Variants in NKAIN3 observed in about 807,000 individuals in gnomAD.
The protein encoded by NKAIN3 is sodium/potassium transporting ATPase interacting 3.
In NKAIN3, 25 loss-of-function variants were observed where a neutral mutation model predicts 30.2. The observed-to-expected ratio is 0.83, with a 90% CI of 0.60 to 1.16. NKAIN3 has a LOEUF of 1.16. Among genes scored for constraint, NKAIN3 ranks in the 50% most tolerant of loss-of-function variants. NKAIN3 has a pLI of 0.00. For synonymous variants in NKAIN3, 91 were observed against 89.6 expected (o/e 1.02, Z -0.09); for missense variants, 225 against 254.1 (o/e 0.89, Z 0.78).
At chr8:62,417,439 G>A (rs1292377319) in intron 1 of NKAIN3, among the ~76,000 whole-genome samples, 1 of 152,160 alleles carries the variant, frequency 6.6e-6, no homozygotes, top group Admixed American at 6.5e-5. Flanking sequence ...ACATTGGAGT[G>A]TAGATATCTC....
chr8:62,387,231 C>T (rs1341047555), intron 1 of NKAIN3, among the ~76,000 whole-genome samples: 1 of 151,812 alleles, frequency 6.6e-6, no homozygotes, highest in African/African-American at 2.4e-5. Flanking sequence ...AATCTTGCCA[C>T]ATGGGAGCGT....
chr8:62,409,446 AG>A (rs1395850707), intron 1 of NKAIN3, among the ~76,000 whole-genome samples: 1 of 152,154 alleles, frequency 6.6e-6, no homozygotes, highest in Non-Finnish European at 1.5e-5. Flanking sequence ...GGCCTCCCAA[AG>A]TGCTGGGATA....
intron 1 of NKAIN3, among the ~76,000 whole-genome samples, chr8:62,533,273 A>C (rs779547522): frequency 2.2e-4 from 34 of 152,336 alleles, no homozygotes; most frequent in Middle Eastern, 3.4e-3. Flanking sequence ...CACATGTAAA[A>C]AGATGGAATT....
intron 4 of NKAIN3, among the ~76,000 whole-genome samples, chr8:62,793,166 C>T (rs757604647): frequency 2.0e-5 from 3 of 151,620 alleles, no homozygotes; most frequent in Admixed American, 6.6e-5. Flanking sequence ...GCCCAGTCAA[C>T]GTTTTTCAGG....
At chr8:62,844,625 C>G (rs986043076) in intron 4 of NKAIN3, among the ~76,000 whole-genome samples, 87 of 152,160 alleles carry the variant, frequency 5.7e-4, no homozygotes, top group Admixed American at 2.4e-3. Flanking sequence ...GATAGTTGAG[C>G]CTTAATGGGA....
chr8:62,374,113 C>CAAAAAAAAAAAAAAAAAAAAAAAA (rs66521184), intron 1 of NKAIN3, among the ~76,000 whole-genome samples: 2 of 64,332 alleles, frequency 3.1e-5, no homozygotes, highest in Non-Finnish European at 5.9e-5. Context: ...ACTCCATCTC[C>CAAAAAAAAAAAAAAAAAAAAAAAA]AAAAAAAAAA....
chr8:62,881,764 G>T (rs1820991221), intron 4 of NKAIN3, among the ~76,000 whole-genome samples: 1 of 152,196 alleles, frequency 6.6e-6, no homozygotes, highest in Non-Finnish European at 1.5e-5. Flanking sequence ...AGGCGTGATT[G>T]CTGGATCATA....
intron 1 of NKAIN3, among the ~76,000 whole-genome samples, chr8:62,557,625 T>C (rs1013066595): frequency 8.5e-5 from 13 of 152,128 alleles, no homozygotes; most frequent in Admixed American, 7.9e-4. Context: ...TGGTATTGCA[T>C]TGTGGTTTTG....
intron 1 of NKAIN3, among the ~76,000 whole-genome samples, chr8:62,503,923 T>C (rs1334510773): frequency 6.6e-6 from 1 of 152,106 alleles, no homozygotes; most frequent in Non-Finnish European, 1.5e-5. Flanking sequence ...GGTCCTGAGG[T>C]GATGTACCTC....
intron 3 of NKAIN3, among the ~76,000 whole-genome samples, chr8:62,702,211 T>C (rs1814361667): frequency 6.6e-6 from 1 of 152,206 alleles, no homozygotes; most frequent in Admixed American, 6.5e-5. Flanking sequence ...CAGTGGCATA[T>C]GCTCATTCGA....
intron 4 of NKAIN3, among the ~76,000 whole-genome samples, chr8:62,886,049 G>T (rs1821136567): frequency 6.6e-6 from 1 of 151,874 alleles, no homozygotes; most frequent in Non-Finnish European, 1.5e-5. Context: ...TGTTACCTTT[G>T]TTCTTTGTTT....
intron 4 of NKAIN3, among the ~76,000 whole-genome samples, chr8:62,840,345 C>T (rs1432351056): frequency 6.8e-6 from 1 of 147,342 alleles, no homozygotes; most frequent in African/African-American, 2.5e-5. Flanking sequence ...ATCCATCAAG[C>T]TTTCTAAAAA....
At chr8:62,390,814 T>A (rs1048131603) in intron 1 of NKAIN3, among the ~76,000 whole-genome samples, 2 of 152,244 alleles carry the variant, frequency 1.3e-5, no homozygotes, top group African/African-American at 2.4e-5. Flanking sequence ...TTTTTTCATA[T>A]GATTGTCGGC....
At chr8:62,274,165 A>G (rs2129393790) in intron 1 of NKAIN3, among the ~76,000 whole-genome samples, 1 of 152,322 alleles carries the variant, frequency 6.6e-6, no homozygotes, top group African/African-American at 2.4e-5. Context: ...AAGAAGCCTT[A>G]AACTTATTAT....
intron 2 of NKAIN3, among the ~76,000 whole-genome samples, chr8:62,587,211 T>A (rs903174429): frequency 6.6e-6 from 1 of 151,940 alleles, no homozygotes; most frequent in Non-Finnish European, 1.5e-5. Flanking sequence ...GTGTCTCAAG[T>A]GCACATTAAG....
chr8:62,782,078 C>CAAATTTACA (rs1382726716), intron 4 of NKAIN3, among the ~76,000 whole-genome samples: 1 of 151,122 alleles, frequency 6.6e-6, no homozygotes, highest in East Asian at 2.0e-4. Context: ...AAGAACTCAA[C>CAAATTTACA]AGGAAAAAAT....
At chr8:62,293,605 C>T (rs557806143) in intron 1 of NKAIN3, among the ~76,000 whole-genome samples, 1 of 152,308 alleles carries the variant, frequency 6.6e-6, no homozygotes, top group Non-Finnish European at 1.5e-5. Context: ...GATGCTTCAT[C>T]TCAGAGTGAC....
chr8:62,285,555 C>T (rs2129398263), intron 1 of NKAIN3, among the ~76,000 whole-genome samples: 1 of 152,228 alleles, frequency 6.6e-6, no homozygotes. Context: ...CTCTCCTCTT[C>T]TGCTCCCAGT....
chr8:62,544,069 A>G (rs1486832927), intron 1 of NKAIN3, among the ~76,000 whole-genome samples: 5 of 152,098 alleles, frequency 3.3e-5, no homozygotes, highest in Non-Finnish European at 7.4e-5. Flanking sequence ...TGGTGCAATT[A>G]TAGCTCACTG....
Sources: gnomAD v4.1 joint callset for allele counts (sites outside exome capture counted in the v4.1 genomes callset) on GRCh38, gnomAD v4.1.1 for gene constraint, MANE v1.5 for transcripts, NCBI Gene and HGNC (gene_info 2026-07-23, HGNC 2026-07-21) for gene names.